CNTN4: variants seen among roughly 807,000 people sequenced by gnomAD.
CNTN4 encodes contactin 4.
Under a neutral mutation model 122.5 loss-of-function variants are expected in CNTN4, and 77 were observed. The ratio of observed to expected loss-of-function variants is 0.63; its 90% CI spans 0.52 to 0.76. CNTN4 has a LOEUF of 0.76. Ranked by LOEUF, CNTN4 falls within the 30% of genes least tolerant of loss-of-function variation. CNTN4 has a pLI of 0.00. For synonymous variants in CNTN4, 512 were observed against 447.0 expected, an observed-to-expected ratio of 1.15 and a Z score of -1.83; for missense variants, 1,256 against 1,259.1, an observed-to-expected ratio of 1.00 and a Z score of 0.04.
chr3:2,129,518 T>G (rs982578456), intron 2 of CNTN4, among the ~76,000 whole-genome samples: 2 of 152,040 alleles, frequency 1.3e-5, no homozygotes, highest in African/African-American at 4.8e-5. Context: ...GAGGGCATGT[T>G]TATAGACTTT....
intron 3 of CNTN4, among the ~76,000 whole-genome samples, chr3:2,445,220 G>A (rs1037846248): frequency 3.9e-5 from 6 of 152,152 alleles, no homozygotes; most frequent in African/African-American, 1.2e-4. Flanking sequence ...ATGATAACCC[G>A]ATTAATCTCC....
intron 3 of CNTN4, among the ~76,000 whole-genome samples, chr3:2,436,028 T>C (rs1186498324): frequency 6.6e-6 from 1 of 152,204 alleles, no homozygotes; most frequent in African/African-American, 2.4e-5. Context: ...TTAGTAAATG[T>C]CTGTTGAGTG....
At chr3:2,783,513 T>A (rs999822725) in intron 6 of CNTN4, among the ~76,000 whole-genome samples, 3 of 152,192 alleles carry the variant, frequency 2.0e-5, no homozygotes, top group Non-Finnish European at 2.9e-5. Context: ...GGGGGTGAAG[T>A]AGGAGCCAAA....
intron 2 of CNTN4, among the ~76,000 whole-genome samples, chr3:2,188,884 C>A (rs1450575109): frequency 6.6e-6 from 1 of 152,178 alleles, no homozygotes; most frequent in African/African-American, 2.4e-5. Context: ...GCTACAAAGA[C>A]TCCCTGTGCC....
chr3:2,753,078 A>G (rs745663772), intron 6 of CNTN4, among the ~76,000 whole-genome samples: 3 of 152,222 alleles, frequency 2.0e-5, no homozygotes, highest in Non-Finnish European at 4.4e-5. Context: ...GCTGCAATAA[A>G]TATGAAAGTG....
chr3:2,565,736 A>T (rs548874362), intron 3 of CNTN4, among the ~76,000 whole-genome samples: 2 of 152,268 alleles, frequency 1.3e-5, no homozygotes, highest in Non-Finnish European at 2.9e-5. Context: ...CTTTAAAATT[A>T]TTGGCATATT....
intron 6 of CNTN4, among the ~76,000 whole-genome samples, chr3:2,778,213 C>CAAAT (rs60613605): frequency 0.19 from 22,310 of 118,172 alleles, 2,397 homozygotes; most frequent in African/African-American, 0.3. Flanking sequence ...GACTCCGTCT[C>CAAAT]AAATAAATAA....
intron 3 of CNTN4, among the ~76,000 whole-genome samples, chr3:2,484,630 G>C (rs182232229): frequency 2.3e-4 from 35 of 152,304 alleles, no homozygotes; most frequent in African/African-American, 8.4e-4. Context: ...CACCCAGAAG[G>C]CTGTGTCAAC....
chr3:2,961,492 A>G (rs149179796), intron 13 of CNTN4, among the ~76,000 whole-genome samples: 9 of 152,236 alleles, frequency 5.9e-5, no homozygotes, highest in East Asian at 5.8e-4. Context: ...TTGAAAAACT[A>G]TAGGACTGTC....
chr3:2,309,706 A>G (rs1411322141), intron 2 of CNTN4, among the ~76,000 whole-genome samples: 1 of 152,108 alleles, frequency 6.6e-6, no homozygotes, highest in Middle Eastern at 3.2e-3. Flanking sequence ...AGTTTTTGGA[A>G]CACTTCAATA....
rs560838905 is a variant in CNTN4 at position 2,427,023 on chromosome 3, T to C, written c.-89+87790T>C. Among the ~76,000 whole-genome samples, 23 of 152,292 alleles carry C rather than the reference T, an allele frequency of 1.5e-4. 1 individual carries two copies. The South Asian group carries it at 4.8e-3, about 32-fold the overall frequency. On this transcript the variant is annotated intron_variant, in intron 3 of 24. Coordinates refer to ENST00000418658, the MANE Select transcript of CNTN4 (RefSeq NM_175607.3). ...CTGTTGATCTTTTCAAAAAACCAGC[T>C]CCTGGATTCATTGATTTTTTTGAAG...
intron 2 of CNTN4, among the ~76,000 whole-genome samples, chr3:2,106,286 G>C (rs1004984395): frequency 3.9e-5 from 6 of 152,186 alleles, no homozygotes; most frequent in African/African-American, 1.4e-4. Flanking sequence ...GTGTCCCAGT[G>C]GTGACTCTGT....
intron 2 of CNTN4, among the ~76,000 whole-genome samples, chr3:2,203,278 A>C (rs542133369): frequency 6.6e-6 from 1 of 152,300 alleles, no homozygotes; most frequent in Non-Finnish European, 1.5e-5. Flanking sequence ...TGGCTCTTTT[A>C]GAGAGAATGT....
At chr3:2,989,546 G>T (rs558341924) in intron 14 of CNTN4, among the ~76,000 whole-genome samples, 4 of 152,280 alleles carry the variant, frequency 2.6e-5, no homozygotes, top group African/African-American at 9.6e-5. Flanking sequence ...AGGGTCATTA[G>T]AAGTTGGAAA....
At position 2,765,363 on chromosome 3, in the gene CNTN4, T is replaced by C. The variant is rs1576705864; in HGVS notation, c.358+19666T>C. Among the ~76,000 whole-genome samples, 3 of 152,314 alleles carry C rather than the reference T, an allele frequency of 2.0e-5. No individual in the cohort carries two copies. In the South Asian group the frequency reaches 6.2e-4, roughly 32 times the overall value. Reference sequence around the variant, plus strand: ...ACAGTGCTAGAGAATGGAGCTCAAGTAATGCTGATAGTGCTTTTTTTCCGG... The same window carrying C: ...ACAGTGCTAGAGAATGGAGCTCAAGCAATGCTGATAGTGCTTTTTTTCCGG... On this transcript the variant is annotated intron_variant, in intron 6 of 24. Coordinates refer to ENST00000418658, the MANE Select transcript of CNTN4 (RefSeq NM_175607.3).
intron 23 of CNTN4, among the ~76,000 whole-genome samples, chr3:3,046,942 A>C (rs1433037224): frequency 2.9e-5 from 4 of 137,056 alleles, no homozygotes; most frequent in Non-Finnish European, 6.4e-5. Flanking sequence ...TCTACCAAGG[A>C]AATGGAAAAC....
chr3:2,162,696 C>T (rs1051849185), intron 2 of CNTN4, among the ~76,000 whole-genome samples: 4 of 152,024 alleles, frequency 2.6e-5, no homozygotes, highest in Non-Finnish European at 5.9e-5. Context: ...CCCATAACCA[C>T]GAATGTTTGG....
intron 13 of CNTN4, among the ~76,000 whole-genome samples, chr3:2,943,868 C>T (rs1000636452): frequency 5.9e-5 from 9 of 151,532 alleles, no homozygotes; most frequent in African/African-American, 2.4e-5. Flanking sequence ...GTGATCCACC[C>T]GCCATGGCTG....
chr3:2,986,911 G>C (rs1694632122), intron 13 of CNTN4, among the ~76,000 whole-genome samples: 1 of 152,186 alleles, frequency 6.6e-6, no homozygotes, highest in Non-Finnish European at 1.5e-5. Flanking sequence ...CATTCCATGT[G>C]ATAAGACAAC....
Sources: allele counts gnomAD v4.1 joint callset (sites outside exome capture counted in the v4.1 genomes callset), GRCh38; gene constraint gnomAD v4.1.1; transcripts MANE v1.5; gene names NCBI Gene and HGNC (gene_info 2026-07-23, HGNC 2026-07-21).